The following GPATCH2L variants were observed in gnomAD, a reference collection of about 807,000 sequenced individuals.
GPATCH2L encodes the protein G patch domain-containing protein 2-like.
In GPATCH2L, 31 loss-of-function variants were observed where a neutral mutation model predicts 57.4. The observed-to-expected ratio is 0.54, with a 90% CI of 0.41 to 0.73. The LOEUF (loss-of-function observed/expected upper bound fraction) is 0.73. Among genes scored for constraint, GPATCH2L ranks in the 30% least tolerant of loss-of-function variants. GPATCH2L has a pLI of 0.00. For missense variants in GPATCH2L, 481 were observed against 599.9 expected (o/e 0.80, Z 2.07); for synonymous variants, 199 against 210.7 (o/e 0.94, Z 0.48).
In GPATCH2L at chr14:76,171,926, C is replaced by G. The variant is rs1566786063; in HGVS notation, c.811C>G (p.Pro271Ala). 1 of 1,608,086 alleles carries G rather than the reference C, an allele frequency of 6.2e-7. No homozygotes were observed. Among genetic ancestry groups the G allele is most frequent in the South Asian group, 1.1e-5 (1 of 90,862 alleles). The change falls in exon 4 of 10, where the codon CCT becomes GCT. Residue 271 changes from proline to alanine, a missense_variant. This residue lies in a region of GPATCH2L where 248 missense variants were observed against 270.5 expected (regional missense o/e 0.92). Coordinates refer to ENST00000261530, the MANE Select transcript of GPATCH2L (RefSeq NM_017926.4). ...TVPNLLPKWA[P>A]DHCSEVERMD... ...CCCTAATCTTCTGCCCAAGTGGGCT[C>G]CTGATCATTGTTCTGAAGTAGAAAG...
intron 7 of GPATCH2L, chr14:76,179,755 T>C (rs1353734808): frequency 6.6e-6 from 1 of 152,200 alleles, no homozygotes; most frequent in African/African-American, 2.4e-5. Context: ...CAAAGAAAGC[T>C]AGCAAACATA....
intron 6 of GPATCH2L, 189 bp from the exon 7 acceptor site, chr14:76,177,799 A>C: frequency 1.3e-6 from 1 of 752,244 alleles, no homozygotes. Context: ...TCTTTACTTA[A>C]TTATTCCAAC....
chr14:76,187,679 G>C (rs1198031653), intron 8 of GPATCH2L, among the ~76,000 whole-genome samples: 2 of 152,046 alleles, frequency 1.3e-5, no homozygotes, highest in Non-Finnish European at 2.9e-5. Context: ...ACATCATGGA[G>C]AATGGGGTAT....
chr14:76,173,711 T>C (rs777407114), intron 5 of GPATCH2L, 86 bp downstream of exon 5: 1 of 870,358 alleles, frequency 1.1e-6, no homozygotes, highest in East Asian at 2.4e-5. Context: ...TCAGAGGTGC[T>C]ACAGAACTCC....
chr14:76,167,603 C>T (rs1853818661), intron 3 of GPATCH2L, among the ~76,000 whole-genome samples: 2 of 152,130 alleles, frequency 1.3e-5, no homozygotes, highest in African/African-American at 4.8e-5. Context: ...GACTGTGGGG[C>T]CAGCATCTTG....
At chr14:76,216,710 A>G (rs982166068), downstream of GPATCH2L, among the ~76,000 whole-genome samples, 12 of 152,188 alleles carry the variant, frequency 7.9e-5, no homozygotes, top group Non-Finnish European at 1.8e-4. Context: ...TGGAAGAACA[A>G]ATGAACAAGA....
chr14:76,202,090 C>G lies in GPATCH2L; in HGVS notation c.*239C>G, dbSNP rs1234250853. The G allele has an allele frequency of 2.7e-6, 1 of 374,052 alleles. No homozygotes were observed. Among genetic ancestry groups the G allele is most frequent in the African/African-American group, 2.1e-5 (1 of 47,758 alleles). 23.2% of individuals were successfully genotyped at this position (374,052 alleles called of 1,614,324 possible). ...TTTTACAAAAAGGTCATCCTCTGCT[C>G]TATTTGTTACCTTGTTATTGCTGTC... On this transcript the variant is annotated 3_prime_UTR_variant, in exon 10 of 10. Coordinates refer to ENST00000261530, the MANE Select transcript of GPATCH2L (RefSeq NM_017926.4).
At chr14:76,163,293 A>T (rs1192606338) in intron 2 of GPATCH2L, among the ~76,000 whole-genome samples, 1 of 152,222 alleles carries the variant, frequency 6.6e-6, no homozygotes, top group South Asian at 2.1e-4. Flanking sequence ...TAAAGTGCTT[A>T]GTATATTACC....
At chr14:76,168,232 T>G (rs1289946556) in intron 3 of GPATCH2L, among the ~76,000 whole-genome samples, 1 of 152,254 alleles carries the variant, frequency 6.6e-6, no homozygotes, top group Non-Finnish European at 1.5e-5. Context: ...AGACACAGTT[T>G]TCCTCTTGCC....
At chr14:76,192,569 T>G (rs2040014483) in intron 8 of GPATCH2L, among the ~76,000 whole-genome samples, 1 of 152,136 alleles carries the variant, frequency 6.6e-6, no homozygotes, top group Admixed American at 6.6e-5. Context: ...GTTATTCATA[T>G]TCTGTAACCT....
At position 76,203,346 on chromosome 14, in the gene GPATCH2L, G is replaced by A. The variant is rs1337402323; in HGVS notation, c.*1495G>A. 6.6e-6 allele frequency: 1 copy of A among 152,300 alleles called. No homozygotes were observed. Among genetic ancestry groups the A allele is most frequent in the African/African-American group, 2.4e-5 (1 of 41,454 alleles). 9.4% of individuals were successfully genotyped at this position (152,300 alleles called of 1,614,324 possible). On this transcript the variant is annotated 3_prime_UTR_variant, in exon 10 of 10. Transcript: ENST00000261530. ...TGTTCATAATCAGGAATATGGTAGA[G>A]GGAGAGCAGGTGTAGATGATGGGAC...
At chr14:76,152,677 G>A in intron 1 of GPATCH2L, 1 of 456,098 alleles carries the variant, frequency 2.2e-6, no homozygotes, top group South Asian at 1.5e-5. Flanking sequence ...GGAATTACAG[G>A]CTTTGAGGCA....
At chr14:76,163,164 A>G (rs927668769) in intron 2 of GPATCH2L, among the ~76,000 whole-genome samples, 1 of 152,214 alleles carries the variant, frequency 6.6e-6, no homozygotes, top group African/African-American at 2.4e-5. Context: ...TCTGATGCTT[A>G]CTTGCTGTGT....
downstream of GPATCH2L, among the ~76,000 whole-genome samples, chr14:76,216,291 G>A (rs2040489432): frequency 6.6e-6 from 1 of 152,070 alleles, no homozygotes; most frequent in Non-Finnish European, 1.5e-5. Context: ...ATAGAGAGTT[G>A]GGCCTCAAAT....
Position 76,166,677 on chromosome 14 carries a change from T to A in GPATCH2L, c.677T>A (p.Val226Glu). 1 of 1,609,586 alleles carries A rather than the reference T, an allele frequency of 6.2e-7. No individual in the cohort carries two copies. The highest frequency in any genetic ancestry group is 8.5e-7 in the Non-Finnish European group (1 of 1,175,874). The change falls in exon 3 of 10, where the codon GTG becomes GAG. Residue 226 changes from valine (V) to glutamate (E), a missense_variant. Val to Glu is a moderately radical substitution (Grantham distance 121, BLOSUM62 -2). Transcript: ENST00000261530. ...ENMSECETSS[V>E]CSSSDTGLFT... ...TCTTTTTACAGTGAAACCAGCAGTGTGTGTAGCAGCAGTGACACTGGGCTC... is the reference window on the plus strand; with the variant it reads ...TCTTTTTACAGTGAAACCAGCAGTGAGTGTAGCAGCAGTGACACTGGGCTC...
chr14:76,226,605 A>G (rs1288950848), intron 1 of GPATCH2L, among the ~76,000 whole-genome samples: 1 of 152,196 alleles, frequency 6.6e-6, no homozygotes, highest in African/African-American at 2.4e-5. Context: ...GTGGGACCTA[A>G]CTGGAGGTGT....
chr14:76,174,681 T>C (rs919586160), intron 5 of GPATCH2L: 2 of 151,964 alleles, frequency 1.3e-5, no homozygotes, highest in Non-Finnish European at 2.9e-5. Context: ...TGACCTAGGC[T>C]GGAATGCAAT....
chr14:76,202,534 T>TACACACACAC lies in GPATCH2L; in HGVS notation c.*684_*685insCACACACACA, dbSNP rs1157130749. 1 of 44,872 alleles carries TACACACACAC rather than the reference T, an allele frequency of 2.2e-5. No homozygotes were observed. The highest frequency in any genetic ancestry group is 3.9e-5 in the Non-Finnish European group (1 of 25,890). 2.8% of individuals were successfully genotyped at this position (44,872 alleles called of 1,614,324 possible). On this transcript the variant is annotated 3_prime_UTR_variant, in exon 10 of 10. Coordinates refer to ENST00000261530, the MANE Select transcript of GPATCH2L (RefSeq NM_017926.4). ...ATGTTCTACTGAAAGAGGACGTGTG[T>TACACACACAC]ATACACACACACACACACACACACA...
chr14:76,168,155 T>C (rs937150725), intron 3 of GPATCH2L, among the ~76,000 whole-genome samples: 6 of 152,242 alleles, frequency 3.9e-5, no homozygotes, highest in African/African-American at 1.4e-4. Context: ...TTCTCTGCCT[T>C]TGTTTATGCT....
Sources: gnomAD v4.1 joint callset for allele counts (sites outside exome capture counted in the v4.1 genomes callset) on GRCh38, gnomAD v4.1.1 for gene constraint, gnomAD v4.1.1 regional missense constraint, MANE v1.5 for transcripts, NCBI Gene and HGNC (gene_info 2026-07-23, HGNC 2026-07-21) for gene names.